The following PRKG1 variants were observed in gnomAD, a reference collection of about 807,000 sequenced individuals.
PRKG1 encodes the protein cGMP-dependent protein kinase 1.
PRKG1 carries 35 observed loss-of-function variants against 88.1 expected under a neutral mutation model. The observed-to-expected ratio is 0.40, with a 90% confidence interval of 0.30 to 0.53. The LOEUF is 0.53. Ranked by LOEUF, PRKG1 falls within the 20% of genes least tolerant of loss-of-function variation. PRKG1 has a pLI of 0.59. For synonymous variants in PRKG1, 303 were observed against 292.5 expected (o/e 1.04, Z -0.37); for missense variants, 540 against 839.8 (o/e 0.64, Z 4.41).
chr10:51,155,899 C>G (rs1188789385), intron 2 of PRKG1, among the ~76,000 whole-genome samples: 1 of 151,960 alleles, frequency 6.6e-6, no homozygotes, highest in East Asian at 1.9e-4. Context: ...ACCAAAACGT[C>G]TACAGTAGAA....
At chr10:51,464,872 C>G (rs1327796593) in intron 2 of PRKG1, among the ~76,000 whole-genome samples, 1 of 113,898 alleles carries the variant, frequency 8.8e-6, no homozygotes, top group Non-Finnish European at 1.7e-5. Flanking sequence ...GCCTGGGCGA[C>G]AGAGCGAGAC....
chr10:51,991,971 A>G (rs1038770703), intron 5 of PRKG1, among the ~76,000 whole-genome samples: 1 of 152,200 alleles, frequency 6.6e-6, no homozygotes, highest in Admixed American at 6.5e-5. Context: ...CAATTATTGT[A>G]TTGGATGGTA....
chr10:51,100,622 T>C lies in PRKG1; in HGVS notation c.311+25721T>C, dbSNP rs151323457. Among the ~76,000 whole-genome samples, 316 of 152,236 alleles carry C rather than the reference T, an allele frequency of 2.1e-3. 1 individual carries two copies. The highest frequency in any genetic ancestry group is 7.3e-3 in the African/African-American group (302 of 41,532). On this transcript the variant is annotated intron_variant, in intron 1 of 17. Coordinates refer to ENST00000373980, the MANE Select transcript of PRKG1 (RefSeq NM_006258.4). Reference sequence around the variant, plus strand: ...TTTTTAATATATCTATCTTATCAAATAAATATGTTCCTTAAAATAACCAGG... The same window carrying C: ...TTTTTAATATATCTATCTTATCAAACAAATATGTTCCTTAAAATAACCAGG...
intron 2 of PRKG1, among the ~76,000 whole-genome samples, chr10:51,247,804 C>G (rs1167492215): frequency 6.6e-6 from 1 of 151,760 alleles, no homozygotes; most frequent in African/African-American, 2.4e-5. Context: ...TCTTCTGTTT[C>G]TCTTGTCTTC....
chr10:52,239,286 CA>C (rs1840782626), intron 9 of PRKG1, among the ~76,000 whole-genome samples: 1 of 131,070 alleles, frequency 7.6e-6, no homozygotes, highest in Non-Finnish European at 1.6e-5. Flanking sequence ...CTAACCTGCA[CA>C]ATGTGCACAT....
At chr10:51,814,533 G>A (rs1029754131) in intron 4 of PRKG1, among the ~76,000 whole-genome samples, 3 of 152,058 alleles carry the variant, frequency 2.0e-5, no homozygotes, top group African/African-American at 7.2e-5. Context: ...TGTGAAACCT[G>A]CATTAGAATT....
intron 4 of PRKG1, among the ~76,000 whole-genome samples, chr10:51,907,097 A>G (rs1425538758): frequency 6.6e-6 from 1 of 152,154 alleles, no homozygotes; most frequent in Non-Finnish European, 1.5e-5. Context: ...CTTCCTTCCC[A>G]TCATGGCCTG....
At chr10:52,061,788 A>G (rs1176283287) in intron 6 of PRKG1, among the ~76,000 whole-genome samples, 3 of 152,110 alleles carry the variant, frequency 2.0e-5, no homozygotes, top group African/African-American at 7.2e-5. Flanking sequence ...TACCAAATGA[A>G]GCATGTGGAT....
At chr10:51,706,804 T>G (rs2132424884) in intron 3 of PRKG1, among the ~76,000 whole-genome samples, 1 of 152,312 alleles carries the variant, frequency 6.6e-6, no homozygotes, top group African/African-American at 2.4e-5. Flanking sequence ...TTTCCACATC[T>G]TTTAAATGAG....
chr10:51,284,526 A>T (rs537647799), intron 2 of PRKG1, among the ~76,000 whole-genome samples: 13 of 152,362 alleles, frequency 8.5e-5, no homozygotes, highest in African/African-American at 3.1e-4. Context: ...ATTCTTTCTA[A>T]TACATGTATT....
chr10:52,214,972 C>A (rs1159448692), intron 9 of PRKG1, among the ~76,000 whole-genome samples: 2 of 147,860 alleles, frequency 1.4e-5, no homozygotes, highest in Admixed American at 1.4e-4. Flanking sequence ...CTTTAATATG[C>A]ATTTTAAGAG....
rs1458880498 is a variant in PRKG1, at chr10:51,310,836, G to C, written c.479-156887G>C. On this transcript the variant is annotated intron_variant, in intron 2 of 17. Coordinates refer to ENST00000373980, the MANE Select transcript of PRKG1 (RefSeq NM_006258.4). ...GGGTAGGCAGTTCTTAATATTAAAA[G>C]GTCACCCAAATGAATGCAAAGTTGC... is the stretch of plus-strand genomic sequence containing the variant. Among the ~76,000 whole-genome samples the C allele has an allele frequency of 2.0e-5, 3 of 152,128 alleles. No homozygotes were observed. The South Asian group carries it at 6.2e-4, about 32-fold the overall frequency.
At position 52,292,711 on chromosome 10, in the gene PRKG1, C is replaced by A. The variant is rs142798078; in HGVS notation, c.1963-1091C>A. Among the ~76,000 whole-genome samples, 1,259 of 152,068 alleles carry A rather than the reference C, an allele frequency of 8.3e-3. 17 individuals carry two copies. Among genetic ancestry groups the A allele is most frequent in the African/African-American group, 0.029 (1,199 of 41,460 alleles). ...AAAGGCCTCTGACAAAATTTAACAA[C>A]CCTTCATGCTAAAAACTCTCAATAA... On this transcript the variant is annotated intron_variant, in intron 17 of 17. Coordinates refer to ENST00000373980, the MANE Select transcript of PRKG1 (RefSeq NM_006258.4).
intron 2 of PRKG1, among the ~76,000 whole-genome samples, chr10:51,387,231 A>AG (rs1409559250): frequency 6.6e-6 from 1 of 151,862 alleles, no homozygotes; most frequent in East Asian, 1.9e-4. Context: ...GTAGTTCCAC[A>AG]GGGCCCGTGG....
chr10:52,137,847 T>C (rs11000908), intron 8 of PRKG1, among the ~76,000 whole-genome samples: 66,944 of 152,004 alleles, frequency 0.44, 15,736 homozygotes, highest in Non-Finnish European at 0.52. Context: ...TTTTGTATTC[T>C]GTAATCTGTT....
chr10:52,136,226 A>G (rs1348087603), intron 8 of PRKG1, among the ~76,000 whole-genome samples: 1 of 152,142 alleles, frequency 6.6e-6, no homozygotes, highest in East Asian at 1.9e-4. Context: ...CAAATGAAAT[A>G]CTAAAGGGGA....
intron 1 of PRKG1, among the ~76,000 whole-genome samples, chr10:51,122,929 C>T (rs945926260): frequency 7.2e-5 from 11 of 152,174 alleles, no homozygotes; most frequent in African/African-American, 2.7e-4. Context: ...CCTATCTATA[C>T]GTTTTATTGA....
chr10:51,237,247 T>C (rs757930838), intron 2 of PRKG1, among the ~76,000 whole-genome samples: 1 of 152,238 alleles, frequency 6.6e-6, no homozygotes, highest in Non-Finnish European at 1.5e-5. Context: ...TACCAAATGA[T>C]ATTCTGATCT....
At chr10:52,003,851 T>C (rs1844660878) in intron 5 of PRKG1, among the ~76,000 whole-genome samples, 1 of 152,206 alleles carries the variant, frequency 6.6e-6, no homozygotes, top group Non-Finnish European at 1.5e-5. Context: ...CTTTGTAGCT[T>C]AGTGCTCATG....
Sources: gnomAD v4.1 joint callset for allele counts (sites outside exome capture counted in the v4.1 genomes callset) on GRCh38, gnomAD v4.1.1 for gene constraint, MANE v1.5 for transcripts, NCBI Gene and HGNC (gene_info 2026-07-23, HGNC 2026-07-21) for gene names.